CFTR: variants seen among roughly 807,000 people sequenced by gnomAD.
CFTR encodes CF transmembrane conductance regulator.
A neutral mutation model predicts 171.6 loss-of-function variants in CFTR; 181 were observed. The ratio of observed to expected loss-of-function variants is 1.05; its 90% CI spans 0.93 to 1.19. The LOEUF (loss-of-function observed/expected upper bound fraction) is 1.19. Among genes scored for constraint, CFTR ranks in the 50% most tolerant of loss-of-function variants. The pLI is 0.00. For synonymous variants in CFTR, 583 were observed against 608.0 expected, an observed-to-expected ratio of 0.96 and a Z score of 0.60; for missense variants, 1,968 against 1,734.7, an observed-to-expected ratio of 1.13 and a Z score of -2.39.
intron 12 of CFTR, 52 bp downstream of exon 12, chr7:117,587,885 G>GT (rs1791969942): frequency 8.8e-7 from 1 of 1,132,612 alleles, no homozygotes; most frequent in East Asian, 2.4e-5. Context: ...TGTCATTCAT[G>GT]TAAAAAAATT....
intron 21 of CFTR, chr7:117,616,366 T>C (rs1343576388): frequency 6.6e-6 from 1 of 152,146 alleles, no homozygotes; most frequent in Non-Finnish European, 1.5e-5. Flanking sequence ...AGGAGAATAT[T>C]AAATAAATAT....
chr7:117,556,776 C>T (rs1176216863), intron 10 of CFTR, among the ~76,000 whole-genome samples: 1 of 151,382 alleles, frequency 6.6e-6, no homozygotes, highest in East Asian at 1.9e-4. Flanking sequence ...GCCTCGGCCT[C>T]CCAAAGTGCT....
At chr7:117,607,684 T>C (rs888410870) in intron 18 of CFTR, among the ~76,000 whole-genome samples, 12 of 152,180 alleles carry the variant, frequency 7.9e-5, no homozygotes, top group African/African-American at 2.9e-4. Context: ...ATTGAACATA[T>C]AAAACAAAAG....
intron 3 of CFTR, among the ~76,000 whole-genome samples, chr7:117,512,832 G>T (rs1351501068): frequency 6.6e-6 from 1 of 152,086 alleles, no homozygotes; most frequent in East Asian, 1.9e-4. Flanking sequence ...AAATACTCTT[G>T]ATTCCTAGGC....
In CFTR at chr7:117,492,711, C is replaced by G. The variant is rs1288228703; in HGVS notation, c.54-11542C>G. The stretch of plus-strand genomic sequence containing the variant: ...CTTGTGGACCTTACAGTCTAGGGTG[C>G]TTGGAAACATGGGGCGTTGGCAGAC... On this transcript the variant is annotated intron_variant, in intron 1 of 26. Coordinates refer to ENST00000003084, the MANE Select transcript of CFTR (RefSeq NM_000492.4). Among the ~76,000 whole-genome samples the G allele has an allele frequency of 3.3e-5, 5 of 151,954 alleles. No homozygotes were observed. The South Asian group carries it at 1.0e-3, about 32-fold the overall frequency.
At chr7:117,564,879 C>T (rs760782821) in intron 11 of CFTR, 10 of 154,114 alleles carry the variant, frequency 6.5e-5, no homozygotes, top group Non-Finnish European at 1.2e-4. Flanking sequence ...ATTATTCACT[C>T]AGTGAGATAG....
intron 15 of CFTR, among the ~76,000 whole-genome samples, chr7:117,597,692 T>C (rs1046092420): frequency 2.8e-4 from 42 of 152,318 alleles, no homozygotes; most frequent in African/African-American, 9.4e-4. Context: ...GGCTTAGCAT[T>C]CATTTTAGAC....
Position 117,624,376 on chromosome 7 carries a change from G to A in CFTR, c.3469-3146G>A, listed in dbSNP as rs190137778. 2.9e-4 allele frequency among the ~76,000 whole-genome samples: 44 copies of A among 152,184 alleles called. No individual in the cohort carries two copies. The highest frequency in any genetic ancestry group is 9.8e-4 in the Admixed American group (15 of 15,276). On this transcript the variant is annotated intron_variant, in intron 21 of 26. Transcript: ENST00000003084. ...GTCCTTGTTCTCACTGTGAGCTCTCGCTTGCTGACCCTTCTTCAGTTTCTT... is the reference window on the plus strand; with the variant it reads ...GTCCTTGTTCTCACTGTGAGCTCTCACTTGCTGACCCTTCTTCAGTTTCTT...
At chr7:117,512,850 G>A (rs763035878) in intron 3 of CFTR, among the ~76,000 whole-genome samples, 1 of 152,010 alleles carries the variant, frequency 6.6e-6, no homozygotes, top group Non-Finnish European at 1.5e-5. Context: ...GGCAGCTCTG[G>A]GCATATTTCC....
intron 22 of CFTR, among the ~76,000 whole-genome samples, chr7:117,631,243 C>A (rs1413704146): frequency 6.6e-6 from 1 of 152,046 alleles, no homozygotes; most frequent in African/African-American, 2.4e-5. Context: ...GAGCTAAAAC[C>A]CTTGGAATTT....
chr7:117,565,787 A>G (rs1164041543), intron 11 of CFTR, among the ~76,000 whole-genome samples: 1 of 152,178 alleles, frequency 6.6e-6, no homozygotes, highest in Admixed American at 6.5e-5. Flanking sequence ...GAAGAAAAAA[A>G]TTGGGAGGGA....
At chr7:117,614,455 A>G (rs999701643) in intron 20 of CFTR, among the ~76,000 whole-genome samples, 158 bp from the exon 21 acceptor site, 1 of 152,184 alleles carries the variant, frequency 6.6e-6, no homozygotes, top group African/African-American at 2.4e-5. Context: ...TTCTATTAGT[A>G]GATGCTGTGA....
In CFTR at chr7:117,610,625, AT is replaced by A. The variant is rs1562914186; in HGVS notation, c.3098del (p.Phe1033SerfsTer27). ...GTGGCTTTTATTATGTTGAGAGCAT[AT>A]TTCCTCCAAACCTCACAGCAACTCA... Reference protein sequence around the residue: ...VIVAFIMLRAYFLQTSQQLKQ... With the variant: ...VIVAFIMLRAXFLQTSQQLKQ... On this transcript the variant is annotated frameshift_variant, in exon 19 of 27. Coordinates refer to ENST00000003084, the MANE Select transcript of CFTR (RefSeq NM_000492.4). LOFTEE classifies it high-confidence loss of function. 6.2e-7 allele frequency: 1 copy of A among 1,613,562 alleles called. No individual in the cohort carries two copies. Among genetic ancestry groups the A allele is most frequent in the African/African-American group, 1.3e-5 (1 of 74,988 alleles).
intron 17 of CFTR, among the ~76,000 whole-genome samples, chr7:117,604,545 A>G (rs962309135): frequency 3.7e-4 from 56 of 152,232 alleles, no homozygotes; most frequent in African/African-American, 1.3e-3. Context: ...AGGAGTTGAC[A>G]CAGAAACATT....
intron 24 of CFTR, among the ~76,000 whole-genome samples, chr7:117,656,638 A>G (rs1793187825): frequency 6.6e-6 from 1 of 152,202 alleles, no homozygotes; most frequent in South Asian, 2.1e-4. Flanking sequence ...ATAAACTTAT[A>G]ATTTTAAAAA....
chr7:117,586,545 G>A (rs1478408478), intron 11 of CFTR: 2 of 152,096 alleles, frequency 1.3e-5, no homozygotes, highest in African/African-American at 4.8e-5. Context: ...TTTACTTTGT[G>A]CATTTGGAGT....
At chr7:117,558,508 C>A (rs559645835) in intron 10 of CFTR, among the ~76,000 whole-genome samples, 1 of 151,760 alleles carries the variant, frequency 6.6e-6, no homozygotes, top group African/African-American at 2.4e-5. Flanking sequence ...GAGCCGAGAT[C>A]GCGCCACTGC....
At chr7:117,551,659 T>C (rs1303516782) in intron 10 of CFTR, among the ~76,000 whole-genome samples, 1 of 152,240 alleles carries the variant, frequency 6.6e-6, no homozygotes, top group African/African-American at 2.4e-5. Context: ...TTTTTGTTTG[T>C]AGTTGTTCTA....
In CFTR at chr7:117,667,056, T is replaced by C. The variant is rs772046085; in HGVS notation, c.4391T>C (p.Ile1464Thr). The change falls in exon 27 of 27, where the codon ATT becomes ACT. Residue 1464 changes from isoleucine to threonine, a missense_variant. By Grantham distance (89) the Ile-to-Thr change is moderately conservative (BLOSUM62 -1). Transcript: ENST00000003084. ...NSSKCKSKPQ[I>T]AALKEETEEE... ...AGCAAGTGCAAGTCTAAGCCCCAGA[T>C]TGCTGCTCTGAAAGAGGAGACAGAA... The C allele has an allele frequency of 5.6e-6, 9 of 1,614,004 alleles. No individual in the cohort carries two copies. The highest frequency in any genetic ancestry group is 2.2e-5 in the East Asian group (1 of 44,846).
Sources: gnomAD v4.1 joint callset for allele counts (sites outside exome capture counted in the v4.1 genomes callset) on GRCh38, gnomAD v4.1.1 for gene constraint, MANE v1.5 for transcripts, NCBI Gene and HGNC (gene_info 2026-07-23, HGNC 2026-07-21) for gene names.